The following OGG1 variants were observed in gnomAD, a reference collection of about 807,000 sequenced individuals.
OGG1 encodes N-glycosylase/DNA lyase.
OGG1 carries 35 observed loss-of-function variants against 42.3 expected under a neutral mutation model. The ratio of observed to expected loss-of-function variants is 0.83; its 90% CI spans 0.63 to 1.10. The LOEUF (loss-of-function observed/expected upper bound fraction) is 1.10. OGG1 is among the 50% of genes least tolerant of loss of function. The pLI, the probability that OGG1 is intolerant of heterozygous loss-of-function variation, is 0.00. For synonymous variants in OGG1, 189 were observed against 179.0 expected, an observed-to-expected ratio of 1.06 and a Z score of -0.44; for missense variants, 484 against 446.7, an observed-to-expected ratio of 1.08 and a Z score of -0.75.
downstream of OGG1, chr3:9,767,547 G>A (rs1271942047): frequency 7.6e-7 from 1 of 1,310,124 alleles, no homozygotes; most frequent in East Asian, 2.3e-5. Flanking sequence ...TTAGGCCCTA[G>A]ATAGTGCTGC....
chr3:9,785,944 T>TG (rs1247642352), intron 3 of OGG1, among the ~76,000 whole-genome samples: 1 of 149,872 alleles, frequency 6.7e-6, no homozygotes, highest in Non-Finnish European at 1.5e-5. Flanking sequence ...TTTGTTTTGT[T>TG]TTTTTTTTTT....
chr3:9,768,522 T>G (rs760150449), downstream of OGG1, among the ~76,000 whole-genome samples: 1 of 152,072 alleles, frequency 6.6e-6, no homozygotes, highest in African/African-American at 2.4e-5. Flanking sequence ...AGATGAAGAA[T>G]GGGGAGACTG....
At chr3:9,776,313 T>TA (rs1363082921) in intron 2 of OGG1, among the ~76,000 whole-genome samples, 1 of 152,120 alleles carries the variant, frequency 6.6e-6, no homozygotes, top group African/African-American at 2.4e-5. Context: ...CCTGACCCTC[T>TA]AAGCTGTTGT....
chr3:9,757,737 A>G (rs773323612), downstream of OGG1: 41 of 1,613,944 alleles, frequency 2.5e-5, no homozygotes, highest in Non-Finnish European at 3.3e-5. This position sits in a 1 kb window ranked among gnomAD's most constrained non-coding sequence, Gnocchi z 4.5. Flanking sequence ...ACCCCCAGCC[A>G]CTGGTGTCAG....
chr3:9,761,431 C>A (rs778738086), downstream of OGG1: 35 of 1,590,190 alleles, frequency 2.2e-5, no homozygotes, highest in Admixed American at 6.0e-4. Context: ...ACTCTGGAGC[C>A]ACAGCCTACC....
chr3:9,758,110 A>G (rs2077673688), downstream of OGG1: 6 of 377,164 alleles, frequency 1.6e-5, no homozygotes, highest in South Asian at 2.6e-4. Flanking sequence ...GTAATAGCAA[A>G]CACTATAGCA....
downstream of OGG1, chr3:9,759,055 C>G: frequency 1.3e-6 from 1 of 786,760 alleles, no homozygotes; most frequent in Non-Finnish European, 2.3e-6. Flanking sequence ...CCCTTACCTG[C>G]TTCTCTAAAT....
chr3:9,771,019 T>G (rs1451553788), downstream of OGG1, among the ~76,000 whole-genome samples: 1 of 151,984 alleles, frequency 6.6e-6, no homozygotes, highest in Non-Finnish European at 1.5e-5. Context: ...CTTTCTCTTC[T>G]TCTTTTTTTC....
At chr3:9,767,830 C>G, downstream of OGG1, 1 of 1,575,328 alleles carries the variant, frequency 6.3e-7, no homozygotes, top group Non-Finnish European at 8.6e-7. Flanking sequence ...AGCCCTCTGT[C>G]TGGGAATTTA....
intron 2 of OGG1, among the ~76,000 whole-genome samples, chr3:9,773,511 C>T (rs2078328033): frequency 6.6e-6 from 1 of 151,968 alleles, no homozygotes; most frequent in Non-Finnish European, 1.5e-5. Flanking sequence ...CCACTGCACT[C>T]CAGCCTGGGC....
chr3:9,786,033 G>A, intron 3 of OGG1, among the ~76,000 whole-genome samples: 1 of 152,030 alleles, frequency 6.6e-6, no homozygotes, highest in East Asian at 1.9e-4. Context: ...CCGCCTCCTG[G>A]GTTCATGCCA....
downstream of OGG1, among the ~76,000 whole-genome samples, chr3:9,788,656 C>T (rs1051234372): frequency 7.9e-5 from 12 of 151,746 alleles, no homozygotes; most frequent in African/African-American, 2.9e-4. Context: ...TTTCCTGGCT[C>T]AGCCTCCCGA....
At chr3:9,780,509 G>T in intron 2 of OGG1, 2 of 1,607,228 alleles carry the variant, frequency 1.2e-6, no homozygotes. Flanking sequence ...ATGCGCACCC[G>T]CTGCCTCAGC....
chr3:9,761,348 AAGGG>A (rs1241474703), downstream of OGG1: 12 of 1,059,658 alleles, frequency 1.1e-5, no homozygotes, highest in African/African-American at 1.3e-4. Context: ...TGGTGGAAGG[AAGGG>A]AGGGAGGGAA....
At chr3:9,760,333 T>C (rs1309349835), downstream of OGG1, 2 of 272,132 alleles carry the variant, frequency 7.3e-6, no homozygotes, top group South Asian at 4.6e-5. Context: ...ACAGGTTTGC[T>C]TCTTAATAGG....
rs1344964841 is a variant in OGG1, at chr3:9,763,245, C to T, written c.1049-2564C>T. On this transcript the variant is annotated intron_variant, in intron 7 of 7. Transcript: ENST00000302008. ...GGAGAAATGAGGTGGTTTAGCCAGG[C>T]ATGGCGGTGTGCACCTGTAGTCCAA... The T allele has an allele frequency of 3.7e-6, 6 of 1,613,164 alleles. No homozygotes were observed. The East Asian group carries it at 1.3e-4, about 36-fold the overall frequency.
chr3:9,789,301 C>T (rs1575308095), downstream of OGG1, among the ~76,000 whole-genome samples: 1 of 151,958 alleles, frequency 6.6e-6, no homozygotes, highest in Admixed American at 6.6e-5. Context: ...TGCTTGAGGG[C>T]GTGTTGACAT....
At position 9,757,087 on chromosome 3, in the gene OGG1, A is replaced by G. The variant is rs190592460; in HGVS notation, c.975A>G (p.Gln325=). The change falls in exon 7 of 7, where the codon CAA becomes CAG. Residue 325 remains glutamine (Q), a synonymous_variant. Transcript: ENST00000344629. The surrounding 1 kb of genome is among the most constrained non-coding windows in gnomAD (Gnocchi z 4.5). The stretch of plus-strand genomic sequence containing the variant: ...TGCTGTTCAGTGCCGACCTGCGCCA[A>G]TCCCGCCATGCTCAGGAGCCACCAG... The part of the protein sequence containing the change: ...QAVLFSADLR[Q]SRHAQEPPAK... 2.1e-4 allele frequency: 339 copies of G among 1,614,014 alleles called. 1 individual carries two copies. The highest frequency in any genetic ancestry group is 2.9e-5 in the Non-Finnish European group (34 of 1,180,032).
chr3:9,782,622 C>A (rs1293874667), intron 3 of OGG1, among the ~76,000 whole-genome samples: 1 of 152,156 alleles, frequency 6.6e-6, no homozygotes. Flanking sequence ...ATCTAAGAGA[C>A]AGTAAGAATG....
Sources: allele counts gnomAD v4.1 joint callset (sites outside exome capture counted in the v4.1 genomes callset), GRCh38; gene constraint gnomAD v4.1.1; non-coding constraint Gnocchi (gnomAD v3.1); transcripts MANE v1.5; gene names NCBI Gene and HGNC (gene_info 2026-07-23, HGNC 2026-07-21).